Variants in TBXAS1 observed in about 807,000 individuals in gnomAD.
TBXAS1 encodes the protein thromboxane A synthase 1, also known as thromboxane-A synthase.
A neutral mutation model predicts 60.7 loss-of-function variants in TBXAS1; 48 were observed. The ratio of observed to expected loss-of-function variants is 0.79; its 90% CI spans 0.63 to 1.01. The LOEUF (loss-of-function observed/expected upper bound fraction) is 1.01, where lower values mean the gene tolerates loss of function less well. Among genes scored for constraint, TBXAS1 ranks in the 50% least tolerant of loss-of-function variants. The probability of loss-of-function intolerance (pLI) is 0.00; values close to 1 mark genes in which losing one functional copy is unlikely to be tolerated. For missense variants in TBXAS1, 685 were observed against 686.3 expected (o/e 1.00, Z 0.02); for synonymous variants, 287 against 269.7 (o/e 1.06, Z -0.63).
chr7:139,779,371 A>G (rs1796903003), intron 1 of TBXAS1, among the ~76,000 whole-genome samples: 1 of 152,054 alleles, frequency 6.6e-6, no homozygotes, highest in Admixed American at 6.5e-5. Context: ...TTGCCCCCAT[A>G]ATCAATGCTA....
chr7:139,798,430 A>C (rs1213519446), intron 4 of TBXAS1, among the ~76,000 whole-genome samples: 1 of 152,204 alleles, frequency 6.6e-6, no homozygotes, highest in Non-Finnish European at 1.5e-5. Flanking sequence ...TCCTGAAACT[A>C]CGTTATTAAC....
intron 4 of TBXAS1, chr7:139,797,190 T>A (rs1797594841): frequency 1.3e-5 from 2 of 152,256 alleles, no homozygotes; most frequent in South Asian, 4.1e-4. Context: ...CTTCTTTGTC[T>A]GTTTTTGTAT....
chr7:139,890,207 C>CTTTTTTTT (rs57305084), intron 3 of TBXAS1, among the ~76,000 whole-genome samples: 3 of 85,618 alleles, frequency 3.5e-5, no homozygotes, highest in African/African-American at 1.4e-4. Context: ...AGGATGCAGT[C>CTTTTTTTT]TTTTTTTTTT....
chr7:139,986,206 C>T (rs962336962), intron 9 of TBXAS1, among the ~76,000 whole-genome samples: 10 of 152,142 alleles, frequency 6.6e-5, no homozygotes, highest in Admixed American at 4.6e-4. Flanking sequence ...CCATGGGCCA[C>T]GCTTTTTGCT....
At chr7:139,805,219 A>G (rs77785626) in intron 4 of TBXAS1, among the ~76,000 whole-genome samples, 249 of 152,356 alleles carry the variant, frequency 1.6e-3, no homozygotes, top group African/African-American at 3.6e-3. Context: ...AATCCTCACA[A>G]TCACTCTATG....
intron 4 of TBXAS1, among the ~76,000 whole-genome samples, chr7:139,788,942 T>A (rs1266689733): frequency 6.6e-6 from 1 of 152,198 alleles, no homozygotes; most frequent in African/African-American, 2.4e-5. Context: ...GGAGTCCAAG[T>A]TGGTAGAATG....
intron 9 of TBXAS1, among the ~76,000 whole-genome samples, chr7:139,972,575 T>A (rs1255830458): frequency 6.6e-6 from 1 of 152,148 alleles, no homozygotes; most frequent in African/African-American, 2.4e-5. Flanking sequence ...TTCCCCAGAC[T>A]CTGTTGACCA....
intron 4 of TBXAS1, among the ~76,000 whole-genome samples, chr7:139,931,319 C>T (rs1196312881): frequency 2.6e-5 from 4 of 152,138 alleles, no homozygotes; most frequent in Non-Finnish European, 5.9e-5. Context: ...GCTTGGGACA[C>T]AGCTAGGCTG....
At position 139,937,078 on chromosome 7, in the gene TBXAS1, G is replaced by A. The variant is rs1280883533; in HGVS notation, c.450+771G>A. On this transcript the variant is annotated intron_variant, in intron 5 of 12. Transcript: ENST00000448866. Reference sequence around the variant, plus strand: ...TCACACAACAGATCCTGACTGCTGTGTTTTGTATCTAAGCCTGACAGCCCC... The same window carrying A: ...TCACACAACAGATCCTGACTGCTGTATTTTGTATCTAAGCCTGACAGCCCC... Among the ~76,000 whole-genome samples, 4 of 152,188 alleles carry A rather than the reference G, an allele frequency of 2.6e-5. No homozygotes were observed. The South Asian group carries it at 8.3e-4, about 32-fold the overall frequency.
intron 9 of TBXAS1, among the ~76,000 whole-genome samples, chr7:139,998,743 A>C (rs1813464999): frequency 6.6e-6 from 1 of 152,238 alleles, no homozygotes; most frequent in South Asian, 2.1e-4. Flanking sequence ...AGTGAAGCTC[A>C]GCCCAGAGCC....
intron 4 of TBXAS1, among the ~76,000 whole-genome samples, chr7:139,808,771 A>G (rs1797940749): frequency 6.6e-6 from 1 of 152,100 alleles, no homozygotes; most frequent in African/African-American, 2.4e-5. Flanking sequence ...CTCCTATTCC[A>G]TGAACTTCTT....
chr7:139,928,982 A>T (rs1409643631), intron 4 of TBXAS1, among the ~76,000 whole-genome samples: 2 of 152,176 alleles, frequency 1.3e-5, no homozygotes, highest in Admixed American at 6.5e-5. Context: ...CAAAGGAGAA[A>T]GGGGGTTGGA....
chr7:139,793,993 G>C (rs1797472232), intron 4 of TBXAS1, among the ~76,000 whole-genome samples: 1 of 152,126 alleles, frequency 6.6e-6, no homozygotes, highest in Non-Finnish European at 1.5e-5. Flanking sequence ...GAATGAGAAG[G>C]CTGCATTTCT....
intron 8 of TBXAS1, 152 bp from the exon 9 acceptor site, chr7:139,961,767 C>A: frequency 1.0e-6 from 1 of 982,102 alleles, no homozygotes; most frequent in Non-Finnish European, 1.5e-6. Context: ...TCCAGGTTCT[C>A]ACCGTCCCAG....
At chr7:139,809,277 T>C (rs190356907) in intron 4 of TBXAS1, among the ~76,000 whole-genome samples, 1 of 135,922 alleles carries the variant, frequency 7.4e-6, no homozygotes, top group East Asian at 2.1e-4. Context: ...ATAGAACCAA[T>C]AGGAAATAGA....
intron 4 of TBXAS1, among the ~76,000 whole-genome samples, chr7:139,817,339 T>C (rs945114291): frequency 6.6e-6 from 1 of 151,892 alleles, no homozygotes; most frequent in Non-Finnish European, 1.5e-5. Flanking sequence ...ACGTGCCTGC[T>C]CCACAAGACG....
chr7:139,965,539 G>A (rs533537628), intron 9 of TBXAS1, among the ~76,000 whole-genome samples: 7 of 152,210 alleles, frequency 4.6e-5, no homozygotes, highest in East Asian at 1.9e-4. Flanking sequence ...AGGAACCCAC[G>A]TTTTAAATAA....
chr7:139,817,924 G>T (rs539895042), intron 4 of TBXAS1, among the ~76,000 whole-genome samples: 1 of 152,270 alleles, frequency 6.6e-6, no homozygotes, highest in South Asian at 2.1e-4. Flanking sequence ...ATAACCTGAA[G>T]AGCACCATTG....
At chr7:139,963,631 T>G (rs540306163) in intron 9 of TBXAS1, among the ~76,000 whole-genome samples, 4 of 152,206 alleles carry the variant, frequency 2.6e-5, no homozygotes, top group African/African-American at 9.7e-5. Flanking sequence ...CAACGGTGAC[T>G]GGGGTGCATT....
Sources: allele counts gnomAD v4.1 joint callset (sites outside exome capture counted in the v4.1 genomes callset), GRCh38; gene constraint gnomAD v4.1.1; transcripts MANE v1.5; gene names NCBI Gene and HGNC (gene_info 2026-07-23, HGNC 2026-07-21).